CASP8: variants seen among roughly 807,000 people sequenced by gnomAD.
The protein encoded by CASP8 is caspase-8.
CASP8 carries 24 observed loss-of-function variants against 46.3 expected under a neutral mutation model. The ratio of observed to expected loss-of-function variants is 0.52; its 90% CI spans 0.38 to 0.73. CASP8 has a LOEUF of 0.73. Ranked by LOEUF, CASP8 falls within the 30% of genes least tolerant of loss-of-function variation. CASP8 has a pLI of 0.00. For missense variants in CASP8, 460 were observed against 559.0 expected (o/e 0.82, Z 1.79); for synonymous variants, 188 against 200.4 (o/e 0.94, Z 0.52).
rs79113311 is a variant in CASP8 at position 201,247,663 on chromosome 2, G to A, written c.-27+13551G>A. ...CTGGCTAATTCTTGTATTTTTTTTTGAGATGGAGTCTCGCTCTGTTGCCCA... is the reference window on the plus strand; with the variant it reads ...CTGGCTAATTCTTGTATTTTTTTTTAAGATGGAGTCTCGCTCTGTTGCCCA... On this transcript the variant is annotated intron_variant, in intron 2 of 6. Coordinates refer to the CASP8 transcript ENST00000264274. 6.7e-5 allele frequency among the ~76,000 whole-genome samples: 10 copies of A among 149,478 alleles called. No individual in the cohort carries two copies. In the East Asian group the frequency reaches 2.0e-3, roughly 30 times the overall value.
chr2:201,274,161 C>G (rs370967104), intron 5 of CASP8, among the ~76,000 whole-genome samples: 2 of 152,084 alleles, frequency 1.3e-5, no homozygotes, highest in African/African-American at 4.8e-5. Flanking sequence ...AGATTAATGT[C>G]TATGCAGGCT....
At chr2:201,234,034 T>G (rs541202349) in exon 2 of CASP8, 13 of 152,574 alleles carry the variant, frequency 8.5e-5, no homozygotes, top group African/African-American at 3.1e-4. Context: ...CCTGGGTGCG[T>G]CCACTTTCTG....
At chr2:201,283,796 G>A (rs1434154089) in intron 7 of CASP8, among the ~76,000 whole-genome samples, 1 of 60,680 alleles carries the variant, frequency 1.6e-5, no homozygotes, top group African/African-American at 5.2e-5. Flanking sequence ...CCCGGACGGG[G>A]CGGCTGGCCG....
At chr2:201,262,845 T>C (rs557090898) in intron 1 of CASP8, among the ~76,000 whole-genome samples, 2 of 152,314 alleles carry the variant, frequency 1.3e-5, no homozygotes, top group African/African-American at 4.8e-5. Flanking sequence ...ATAAATCCTT[T>C]GCAAGTGACT....
At chr2:201,254,154 A>G (rs1180437035) in intron 2 of CASP8, among the ~76,000 whole-genome samples, 1 of 152,130 alleles carries the variant, frequency 6.6e-6, no homozygotes, top group Non-Finnish European at 1.5e-5. Flanking sequence ...AACAAACTCA[A>G]TTTCTTCCTT....
Position 201,286,934 on chromosome 2 carries a change from A to G in CASP8, c.*340A>G, listed in dbSNP as rs1177643717. 3.5e-6 allele frequency: 1 copy of G among 282,038 alleles called. No homozygotes were observed. Among genetic ancestry groups the G allele is most frequent in the Non-Finnish European group, 7.0e-6 (1 of 143,054 alleles). The allele number at this position is 282,038 out of a possible 1,614,324, so 17.5% of individuals were successfully genotyped here. On this transcript the variant is annotated 3_prime_UTR_variant, in exon 9 of 9. Transcript: ENST00000673742. ...GCGCCTGGCCGATGGTACTATTTAG[A>G]TATAACACTATGTTTATTTACTAAT...
chr2:201,263,383 G>A (rs1391893609), intron 1 of CASP8, among the ~76,000 whole-genome samples: 1 of 152,122 alleles, frequency 6.6e-6, no homozygotes, highest in Non-Finnish European at 1.5e-5. Context: ...AACCCATGCT[G>A]TAGAAGAAAA....
intron 2 of CASP8, among the ~76,000 whole-genome samples, chr2:201,268,108 T>C (rs1326196006): frequency 2.0e-5 from 3 of 151,978 alleles, no homozygotes; most frequent in Non-Finnish European, 2.9e-5. Context: ...GTATTTTTAG[T>C]AGGACGGAGT....
chr2:201,284,774 A>G (rs762474225), intron 7 of CASP8, 42 bp from the exon 8 acceptor site: 1 of 1,545,834 alleles, frequency 6.5e-7, no homozygotes, highest in Non-Finnish European at 8.7e-7. Flanking sequence ...TGGTCTGTGA[A>G]TTACTGTGGT....
At chr2:201,245,864 C>CTTTTTTTTTTTTTTTTT (rs60096366) in intron 2 of CASP8, among the ~76,000 whole-genome samples, 3 of 124,418 alleles carry the variant, frequency 2.4e-5, no homozygotes, top group African/African-American at 6.6e-5. Context: ...CTTGTTTGTT[C>CTTTTTTTTTTTTTTTTT]TTTTTTTTTT....
intron 2 of CASP8, among the ~76,000 whole-genome samples, chr2:201,238,730 A>G (rs1946163706): frequency 6.6e-6 from 1 of 152,194 alleles, no homozygotes. Context: ...GGTGTGAGCC[A>G]CTGCACCCAG....
intron 7 of CASP8, chr2:201,277,928 T>C (rs1190261319): frequency 9.6e-6 from 2 of 209,094 alleles, no homozygotes; most frequent in African/African-American, 2.4e-5. Flanking sequence ...CTTGAACTCC[T>C]GACCTCAAGT....
At chr2:201,276,139 G>C (rs758654042) in intron 6 of CASP8, among the ~76,000 whole-genome samples, 12 of 152,184 alleles carry the variant, frequency 7.9e-5, no homozygotes, top group Admixed American at 4.6e-4. Flanking sequence ...TGAGTTTCTC[G>C]GTACTGAAAC....
rs1949612671 is a variant in CASP8 at position 201,287,545 on chromosome 2, A to G, written c.*951A>G. ...GATATATATATGCTTGGCTAACTAT[A>G]TTTGCTTTTTGCTAACAATGCTCTG... On this transcript the variant is annotated 3_prime_UTR_variant, in exon 9 of 9. Transcript: ENST00000673742. 6.5e-6 allele frequency: 1 copy of G among 154,644 alleles called. No individual in the cohort carries two copies. The highest frequency in any genetic ancestry group is 2.4e-5 in the African/African-American group (1 of 41,448). The allele number at this position is 154,644 out of a possible 1,614,324, so 9.6% of individuals were successfully genotyped here.
chr2:201,249,617 C>T (rs1012351841), intron 2 of CASP8, among the ~76,000 whole-genome samples: 10 of 152,268 alleles, frequency 6.6e-5, no homozygotes, highest in African/African-American at 2.2e-4. Context: ...AGATTGGCTT[C>T]GGGAGGCTAA....
intron 5 of CASP8, among the ~76,000 whole-genome samples, chr2:201,274,253 C>A (rs1336955546): frequency 6.6e-6 from 1 of 152,114 alleles, no homozygotes; most frequent in Non-Finnish European, 1.5e-5. Context: ...ATTAATTCAT[C>A]CTGAGCTAGT....
intron 2 of CASP8, among the ~76,000 whole-genome samples, chr2:201,235,045 T>G (rs1441635478): frequency 6.6e-6 from 1 of 152,222 alleles, no homozygotes; most frequent in Non-Finnish European, 1.5e-5. Flanking sequence ...CAAGATTTTA[T>G]GTTATTTAGG....
intron 2 of CASP8, among the ~76,000 whole-genome samples, chr2:201,246,121 C>T (rs1470358104): frequency 2.0e-5 from 3 of 152,198 alleles, no homozygotes. Context: ...GCCTTGGCCT[C>T]CCAAAGTGCT....
intron 2 of CASP8, among the ~76,000 whole-genome samples, chr2:201,239,263 G>A (rs1057366976): frequency 4.6e-5 from 7 of 151,950 alleles, no homozygotes; most frequent in South Asian, 2.1e-4. Flanking sequence ...ATCATGGCCC[G>A]TTCTCAATGA....
Sources: gnomAD v4.1 joint callset for allele counts (sites outside exome capture counted in the v4.1 genomes callset) on GRCh38, gnomAD v4.1.1 for gene constraint, MANE v1.5 for transcripts, NCBI Gene and HGNC (gene_info 2026-07-23, HGNC 2026-07-21) for gene names.